The following LRCH2 variants were observed in gnomAD, a reference collection of about 807,000 sequenced individuals.
The protein encoded by LRCH2 is leucine rich repeats and calponin homology domain containing 2, also known as leucine-rich repeat and calponin homology domain-containing protein 2.
LRCH2 carries 38 observed loss-of-function variants against 68.9 expected under a neutral mutation model. The ratio of observed to expected loss-of-function variants is 0.55; its 90% CI spans 0.43 to 0.72. The LOEUF (loss-of-function observed/expected upper bound fraction) is 0.72. LRCH2 is among the 30% of genes least tolerant of loss of function. LRCH2 has a pLI of 0.00. For missense variants in LRCH2, 528 were observed against 572.9 expected (o/e 0.92, Z 0.80); for synonymous variants, 191 against 208.1 (o/e 0.92, Z 0.71).
At chrX:115,154,081 T>C (rs1556538942) in intron 12 of LRCH2, among the ~76,000 whole-genome samples, 1 of 111,570 alleles carries the variant, frequency 9.0e-6, no homozygotes, top group African/African-American at 3.3e-5. Flanking sequence ...ATGCTAATAC[T>C]AAACAAAAGA....
intron 14 of LRCH2, among the ~76,000 whole-genome samples, chrX:115,140,541 A>G (rs1197876560): frequency 9.0e-6 from 1 of 111,729 alleles, no homozygotes. Context: ...GGTAAGCAAC[A>G]AGCAGTCTCT....
chrX:115,220,640 A>C (rs1556573179), intron 1 of LRCH2, among the ~76,000 whole-genome samples: 3 of 111,491 alleles, frequency 2.7e-5, no homozygotes, highest in Non-Finnish European at 5.6e-5. Flanking sequence ...AAAACTCCTA[A>C]ACCTAATCAT....
intron 1 of LRCH2, chrX:115,191,040 C>T (rs1556558612): frequency 8.6e-7 from 1 of 1,165,824 alleles, no homozygotes; most frequent in Non-Finnish European, 1.1e-6. Flanking sequence ...ACAGTGGGGG[C>T]CACAGCAGTT....
chrX:115,189,140 C>A lies in LRCH2; in HGVS notation c.350-770G>T, dbSNP rs782775989. On this transcript the variant is annotated intron_variant, in intron 1 of 20. Coordinates refer to ENST00000317135, the MANE Select transcript of LRCH2 (RefSeq NM_020871.4). The stretch of plus-strand genomic sequence containing the variant: ...ATCCACCAATGTAACCAACAACCAC[C>A]ATATCAATAACCATTCCATATGTCT... Among the ~76,000 whole-genome samples, 142 of 112,018 alleles carry A rather than the reference C, an allele frequency of 1.3e-3. 1 individual carries two copies. Among genetic ancestry groups the A allele is most frequent in the African/African-American group, 4.2e-3 (131 of 30,839 alleles).
At chrX:115,162,624 C>A (rs1264863765) in intron 11 of LRCH2, among the ~76,000 whole-genome samples, 1 of 111,757 alleles carries the variant, frequency 8.9e-6, no homozygotes, top group Non-Finnish European at 1.9e-5. Context: ...AAAAAAGACA[C>A]TTAGGCAATT....
intron 1 of LRCH2, among the ~76,000 whole-genome samples, chrX:115,217,448 A>C (rs4498729): frequency 0.11 from 11,586 of 110,209 alleles, 606 homozygotes; most frequent in Non-Finnish European, 0.16. Context: ...CTCATTGTTC[A>C]ACTCCCACTT....
At chrX:115,133,095 A>C (rs2072259902) in intron 14 of LRCH2, among the ~76,000 whole-genome samples, 1 of 111,941 alleles carries the variant, frequency 8.9e-6, no homozygotes, top group Non-Finnish European at 1.9e-5. Flanking sequence ...CAAGCAGACA[A>C]ATCATAATGA....
At chrX:115,143,129 T>C (rs1317497310) in intron 14 of LRCH2, among the ~76,000 whole-genome samples, 2 of 107,674 alleles carry the variant, frequency 1.9e-5, no homozygotes, top group Non-Finnish European at 3.9e-5. Context: ...ACAAAAGAAA[T>C]AATAAAGATC....
rs187936989 is a variant in LRCH2, at chrX:115,227,321, C to T, written c.349+6372G>A. On this transcript the variant is annotated intron_variant, in intron 1 of 20. Transcript: ENST00000317135. ...AAAAAAAAAAAAAAGTCTCCAGATA[C>T]TGTCAAATATCCTCTGGAGGCAACC... 6.6e-3 allele frequency among the ~76,000 whole-genome samples: 713 copies of T among 107,517 alleles called. 4 individuals carry two copies. Among genetic ancestry groups the T allele is most frequent in the Non-Finnish European group, 9.3e-3 (486 of 52,102 alleles). The allele number at this position is 107,517 out of a possible 115,157, so 93.4% of individuals were successfully genotyped here.
intron 1 of LRCH2, among the ~76,000 whole-genome samples, chrX:115,222,776 T>C (rs1434143385): frequency 5.4e-5 from 6 of 112,074 alleles, no homozygotes; most frequent in Admixed American, 2.8e-4. Flanking sequence ...TTCCCCCAAA[T>C]TGATGATTCA....
intron 1 of LRCH2, chrX:115,191,101 G>A (rs1556558734): frequency 1.0e-5 from 12 of 1,165,230 alleles, no homozygotes; most frequent in Non-Finnish European, 1.4e-5. Flanking sequence ...AGGCCGCTAT[G>A]AGTACCGAGG....
intron 1 of LRCH2, among the ~76,000 whole-genome samples, chrX:115,226,526 G>A (rs2073120266): frequency 9.0e-6 from 1 of 111,241 alleles, no homozygotes; most frequent in South Asian, 3.8e-4. Flanking sequence ...ACTTGAGACA[G>A]AGAGATCATT....
chrX:115,192,206 A>G (rs781997568), intron 1 of LRCH2: 140 of 1,159,363 alleles, frequency 1.2e-4, no homozygotes, highest in Middle Eastern at 2.3e-4. Context: ...CGCTCGCCCA[A>G]TGCCTACGGC....
intron 11 of LRCH2, among the ~76,000 whole-genome samples, chrX:115,163,115 C>A (rs1445389902): frequency 9.0e-6 from 1 of 111,355 alleles, no homozygotes; most frequent in African/African-American, 3.3e-5. Context: ...AGAAACAGAC[C>A]AAAGTGAGCC....
intron 3 of LRCH2, among the ~76,000 whole-genome samples, chrX:115,183,953 A>G (rs2072713094): frequency 8.9e-6 from 1 of 112,192 alleles, no homozygotes; most frequent in African/African-American, 3.2e-5. Flanking sequence ...CATTTATTTC[A>G]GTCTAAAAAG....
rs2072505714 is a variant in LRCH2 at position 115,160,031 on chromosome X, T to C, written c.1464-3364A>G. 2.7e-5 allele frequency among the ~76,000 whole-genome samples: 3 copies of C among 110,626 alleles called. No homozygotes were observed. The South Asian group carries it at 1.2e-3, about 42-fold the overall frequency. On this transcript the variant is annotated intron_variant, in intron 11 of 20. Coordinates refer to ENST00000317135, the MANE Select transcript of LRCH2 (RefSeq NM_020871.4). ...ATCAAAGACATTTTAAAAAATAATA[T>C]GAACTGCCAGGCGTGGTGGCTCACA...
rs1556551769 is a variant in LRCH2, at chrX:115,179,427, C to T, written c.864G>A (p.Gln288=). 1 of 1,104,836 alleles carries T rather than the reference C, an allele frequency of 9.1e-7. No homozygotes were observed. The highest frequency in any genetic ancestry group is 3.5e-5 in the Admixed American group (1 of 28,421). The allele number at this position is 1,104,836 out of a possible 1,213,427, so 91.1% of individuals were successfully genotyped here. ...ACATTATAATATTTTTATTACAAACCTGTGCTGGTGGTACTTGCAATGGAT... is the reference window on the plus strand; with the variant it reads ...ACATTATAATATTTTTATTACAAACTTGTGCTGGTGGTACTTGCAATGGAT... The part of the protein sequence containing the change: ...DNNPLQVPPA[Q]ICLKGKVHIF... Residue 288 remains glutamine, a splice_region_variant and synonymous_variant, in exon 5 of 21, where the codon CAG becomes CAA. Coordinates refer to ENST00000317135, the MANE Select transcript of LRCH2 (RefSeq NM_020871.4).
chrX:115,184,379 A>G, intron 3 of LRCH2, 32 bp downstream of exon 3: 1 of 1,051,556 alleles, frequency 9.5e-7, no homozygotes, highest in Non-Finnish European at 1.3e-6. Flanking sequence ...TATTACGCAT[A>G]TTGCATTAAT....
chrX:115,134,680 T>G (rs2147356524), intron 14 of LRCH2, among the ~76,000 whole-genome samples: 1 of 112,078 alleles, frequency 8.9e-6, no homozygotes. Flanking sequence ...AAAAGATTCC[T>G]TTCATAATAT....
Sources: allele counts gnomAD v4.1 joint callset (sites outside exome capture counted in the v4.1 genomes callset), GRCh38; gene constraint gnomAD v4.1.1; transcripts MANE v1.5; gene names NCBI Gene and HGNC (gene_info 2026-07-23, HGNC 2026-07-21).